The following NEB variants were observed in gnomAD, a reference collection of about 807,000 sequenced individuals.
NEB encodes the protein nebulin.
NEB carries 512 observed loss-of-function variants against 952.2 expected under a neutral mutation model. The observed-to-expected ratio is 0.54, with a 90% CI of 0.50 to 0.58. The LOEUF is 0.58. Among genes scored for constraint, NEB ranks in the 20% least tolerant of loss-of-function variants. NEB has a pLI of 0.00. For missense variants in NEB, 8,428 were observed against 9,231.1 expected, an observed-to-expected ratio of 0.91 and a Z score of 3.56; for synonymous variants, 2,900 against 3,149.8, an observed-to-expected ratio of 0.92 and a Z score of 2.66.
At chr2:151,640,765 C>G in intron 60 of NEB, 99 bp from the exon 61 acceptor site, 1 of 1,175,360 alleles carries the variant, frequency 8.5e-7, no homozygotes, top group South Asian at 1.7e-5. Context: ...AAAATTTTCC[C>G]TGAATATGTA....
At chr2:151,491,862 A>G (rs1408844024) in intron 178 of NEB, 87 bp from the exon 179 acceptor site, 2 of 1,141,046 alleles carry the variant, frequency 1.8e-6, no homozygotes, top group Non-Finnish European at 2.5e-6. Flanking sequence ...ACAACCACCA[A>G]AGGATTGAAT....
rs1260135689 is a variant in NEB at position 151,545,953 on chromosome 2, A to G, written c.20512T>C (p.Tyr6838His). 1 of 1,597,740 alleles carries G rather than the reference A, an allele frequency of 6.3e-7. No homozygotes were observed. Among genetic ancestry groups the G allele is most frequent in the Non-Finnish European group, 8.5e-7 (1 of 1,171,540 alleles). Residue 6838 changes from tyrosine (Y) to histidine (H), a missense_variant, in exon 135 of 182, where the codon TAC becomes CAC. Around this residue, in one of 11 missense-constraint regions of NEB, gnomAD observed 3,374 missense variants for 3,651.5 expected, o/e 0.92. Transcript: ENST00000397345. Reference sequence around the variant, plus strand: ...TCTGGAGTGTCAAGCACCACTTTGTATTTGTCTCGCATCTTCCTTGCCTTA... The same window carrying G: ...TCTGGAGTGTCAAGCACCACTTTGTGTTTGTCTCGCATCTTCCTTGCCTTA... ...TDKARKMRDKYKVVLDTPEYR... is the reference protein window; with the variant it reads ...TDKARKMRDKHKVVLDTPEYR...
intron 88 of NEB, among the ~76,000 whole-genome samples, chr2:151,601,509 A>C (rs1225986279): frequency 1.8e-5 from 2 of 108,840 alleles, no homozygotes; most frequent in African/African-American, 7.5e-5. Context: ...CACACATTAA[A>C]ACAACCATAT....
At chr2:151,610,988 CTTCT>C in intron 78 of NEB, 122 bp from the exon 79 acceptor site, 1 of 601,800 alleles carries the variant, frequency 1.7e-6, no homozygotes, top group Admixed American at 3.3e-5. Context: ...AAAATAGCTC[CTTCT>C]AATGCTTTTG....
At chr2:151,691,702 C>T (rs1243550734) in intron 23 of NEB, among the ~76,000 whole-genome samples, 162 bp downstream of exon 23, 1 of 152,142 alleles carries the variant, frequency 6.6e-6, no homozygotes, top group Non-Finnish European at 1.5e-5. Context: ...CCTTCCTCAA[C>T]ATAATTGTTG....
chr2:151,527,022 A>G lies in NEB; in HGVS notation c.21841T>C (p.Phe7281Leu). 2 of 1,581,400 alleles carry G rather than the reference A, an allele frequency of 1.3e-6. No individual in the cohort carries two copies. The highest frequency in any genetic ancestry group is 1.7e-6 in the Non-Finnish European group (2 of 1,159,638). Residue 7281 changes from phenylalanine to leucine, a missense_variant and splice_region_variant, in exon 148 of 182, where the codon TTT becomes CTT. Coordinates refer to ENST00000397345, the MANE Select transcript of NEB (RefSeq NM_001164508.2). ...AACTCCCGGTCCAGCTTATATTCAA[A>G]CTGTGATAGAAGAAAGGCAGAAGAA... ...AAKSSLQQSD[F>L]EYKLDREFLK...
chr2:151,540,314 C>T (rs1003392900), intron 138 of NEB, 30 bp downstream of exon 138: 2 of 1,387,320 alleles, frequency 1.4e-6, no homozygotes, highest in Non-Finnish European at 1.0e-6. Flanking sequence ...CTCCCCATCA[C>T]AACAGAAGAA....
At position 151,569,388 on chromosome 2, in the gene NEB, C is replaced by T. The variant is rs770943407; in HGVS notation, c.17431-16G>A. On this transcript the variant is annotated splice_polypyrimidine_tract_variant and intron_variant, in intron 109 of 181. Transcript: ENST00000397345. ...TGTAAACATTCTGTGAAAACAGGGC[C>T]AGAATGAGTTCAGCAACCCTGGTCA... 2.3e-5 allele frequency: 37 copies of T among 1,596,994 alleles called. No homozygotes were observed. In the Middle Eastern group the frequency reaches 5.0e-4, roughly 21 times the overall value.
intron 13 of NEB, among the ~76,000 whole-genome samples, chr2:151,698,975 C>T (rs1337947405): frequency 3.6e-5 from 5 of 139,944 alleles, no homozygotes; most frequent in Admixed American, 7.3e-5. Context: ...CCCACTAACT[C>T]GTCATCTAGC....
intron 124 of NEB, among the ~76,000 whole-genome samples, chr2:151,558,199 A>G (rs1290024658): frequency 6.6e-6 from 1 of 152,236 alleles, no homozygotes; most frequent in African/African-American, 2.4e-5. Context: ...ATGTGCAAAA[A>G]TCACAAGCAT....
At chr2:151,639,175 C>T in intron 63 of NEB, 105 bp downstream of exon 63, 1 of 876,624 alleles carries the variant, frequency 1.1e-6, no homozygotes, top group South Asian at 1.8e-5. Context: ...TCACATGAAA[C>T]ATGAAAAAGA....
chr2:151,546,095 G>T, intron 134 of NEB, 97 bp from the exon 135 acceptor site: 1 of 885,392 alleles, frequency 1.1e-6, no homozygotes, highest in Non-Finnish European at 1.8e-6. Context: ...TGTAAGCTGA[G>T]CAGGGCTTTC....
At chr2:151,506,647 T>A (rs991769992) in intron 163 of NEB, among the ~76,000 whole-genome samples, 1 of 152,214 alleles carries the variant, frequency 6.6e-6, no homozygotes, top group Non-Finnish European at 1.5e-5. Flanking sequence ...TCCATCTTCT[T>A]GGAGCAAGAC....
chr2:151,538,363 AT>A lies in NEB; in HGVS notation c.20893-120del. On this transcript the variant is annotated intron_variant, in intron 138 of 181. Coordinates refer to ENST00000397345, the MANE Select transcript of NEB (RefSeq NM_001164508.2). Reference sequence around the variant, plus strand: ...TTTCCCATGAATACATTTAGGAAAAATTTAAAAGCTTATTTCAGACCCTAGA... The same window carrying A: ...TTTCCCATGAATACATTTAGGAAAAATTAAAAGCTTATTTCAGACCCTAGA... 4.1e-6 allele frequency: 3 copies of A among 734,978 alleles called. No individual in the cohort carries two copies. The South Asian group carries it at 5.3e-5, about 13-fold the overall frequency. The allele number at this position is 734,978 out of a possible 1,614,324, so 45.5% of individuals were successfully genotyped here. A position where few individuals can be genotyped will look rare whatever the true frequency, so the allele number is the denominator to read the frequency against.
At chr2:151,566,256 T>C (rs2096385531) in intron 114 of NEB, among the ~76,000 whole-genome samples, 1 of 152,206 alleles carries the variant, frequency 6.6e-6, no homozygotes, top group Non-Finnish European at 1.5e-5. Flanking sequence ...CAAGTAAATA[T>C]TCACGTATTG....
intron 9 of NEB, among the ~76,000 whole-genome samples, chr2:151,718,869 C>G (rs910782529): frequency 4.6e-5 from 7 of 152,154 alleles, no homozygotes; most frequent in African/African-American, 1.7e-4. Context: ...TCTTTTGTTC[C>G]ACCAGACTTG....
chr2:151,718,991 G>A (rs909226750), intron 9 of NEB, among the ~76,000 whole-genome samples: 1 of 151,942 alleles, frequency 6.6e-6, no homozygotes, highest in Admixed American at 6.6e-5. Context: ...TCTGCAAACC[G>A]CTGTTTCCTC....
chr2:151,578,882 A>G (rs565633504), intron 105 of NEB, among the ~76,000 whole-genome samples: 157 of 151,712 alleles, frequency 1.0e-3, no homozygotes, highest in African/African-American at 3.6e-3. Context: ...AGGAGTTCAA[A>G]ACCAGCCTGG....
Position 151,655,832 on chromosome 2 carries a change from T to C in NEB, c.6687A>G (p.Ala2229=), listed in dbSNP as rs747606446. Residue 2229 remains alanine, a synonymous_variant, in exon 50 of 182, where the codon GCA becomes GCG. Transcript: ENST00000397345. The part of the protein sequence containing the change: ...SMDMVLAKQN[A]HTMNKHLYTI... Reference sequence around the variant, plus strand: ...TTCTCTGTACCTTGTTCATGGTATGTGCATTCTGCTTGGCAAGCACCATGT... The same window carrying C: ...TTCTCTGTACCTTGTTCATGGTATGCGCATTCTGCTTGGCAAGCACCATGT... 3.7e-6 allele frequency: 6 copies of C among 1,613,540 alleles called. No individual in the cohort carries two copies. Among genetic ancestry groups the C allele is most frequent in the Non-Finnish European group, 4.2e-6 (5 of 1,179,730 alleles).
Sources: allele counts gnomAD v4.1 joint callset (sites outside exome capture counted in the v4.1 genomes callset), GRCh38; gene constraint gnomAD v4.1.1; regional missense constraint gnomAD v4.1.1; transcripts MANE v1.5; gene names NCBI Gene and HGNC (gene_info 2026-07-23, HGNC 2026-07-21).